Variants in SETBP1 observed in about 807,000 individuals in gnomAD.
SETBP1 encodes the protein SET binding protein 1.
A neutral mutation model predicts 101.0 loss-of-function variants in SETBP1; 9 were observed. The ratio of observed to expected loss-of-function variants is 0.09; its 90% CI spans 0.05 to 0.16. SETBP1 has a LOEUF of 0.16. Among genes scored for constraint, SETBP1 ranks in the 10% least tolerant of loss-of-function variants. The probability of loss-of-function intolerance (pLI) is 1.00; values close to 1 mark genes in which losing one functional copy is unlikely to be tolerated. For synonymous variants in SETBP1, 818 were observed against 788.5 expected (o/e 1.04, Z -0.63); for missense variants, 1,858 against 2,033.8 (o/e 0.91, Z 1.66).
intron 1 of SETBP1, among the ~76,000 whole-genome samples, chr18:44,693,065 C>G (rs1325836058): frequency 6.7e-6 from 1 of 149,098 alleles, no homozygotes; most frequent in Non-Finnish European, 1.5e-5. Flanking sequence ...GTAGAGCTGC[C>G]CTTGCTCTTG....
chr18:44,840,129 T>C (rs1032336346), intron 2 of SETBP1, among the ~76,000 whole-genome samples: 1 of 137,334 alleles, frequency 7.3e-6, no homozygotes, highest in African/African-American at 3.6e-5. Flanking sequence ...CACCCTGCCA[T>C]GTGTACACTT....
At chr18:45,032,331 A>C (rs1370206675) in intron 4 of SETBP1, among the ~76,000 whole-genome samples, 1 of 152,050 alleles carries the variant, frequency 6.6e-6, no homozygotes, top group African/African-American at 2.4e-5. Context: ...CCCCCTCTCC[A>C]CTTCTAAACC....
chr18:44,791,457 A>G (rs1368361356), intron 2 of SETBP1, among the ~76,000 whole-genome samples: 1 of 152,184 alleles, frequency 6.6e-6, no homozygotes, highest in East Asian at 1.9e-4. Context: ...CAGATAAAAC[A>G]GACAAATCAG....
At chr18:45,038,752 T>C (rs995016951) in intron 5 of SETBP1, 97 bp downstream of exon 5, 1 of 1,318,806 alleles carries the variant, frequency 7.6e-7, no homozygotes, top group Middle Eastern at 2.6e-4. Context: ...AAGAGTTCTC[T>C]GTTTTGCCAT....
At chr18:44,710,072 A>G (rs2069305309) in intron 2 of SETBP1, among the ~76,000 whole-genome samples, 1 of 151,884 alleles carries the variant, frequency 6.6e-6, no homozygotes, top group Non-Finnish European at 1.5e-5. Context: ...ACATCCTCAA[A>G]AAGTCCTCTC....
intron 4 of SETBP1, among the ~76,000 whole-genome samples, chr18:45,029,259 T>G (rs937122091): frequency 6.6e-6 from 1 of 152,162 alleles, no homozygotes; most frequent in African/African-American, 2.4e-5. Context: ...CACCATTTAT[T>G]AAATAGGGAA....
intron 3 of SETBP1, among the ~76,000 whole-genome samples, chr18:44,929,914 A>G (rs1216124131): frequency 2.6e-5 from 4 of 152,234 alleles, no homozygotes; most frequent in African/African-American, 9.6e-5. Flanking sequence ...CTTCCTAATC[A>G]AATACACTTT....
intron 4 of SETBP1, among the ~76,000 whole-genome samples, chr18:45,001,504 C>T (rs887340558): frequency 1.1e-4 from 17 of 152,090 alleles, no homozygotes; most frequent in African/African-American, 3.9e-4. Context: ...GTAGGCTGCC[C>T]GAAGAGGTGG....
At chr18:44,913,379 C>T (rs189298012) in intron 3 of SETBP1, among the ~76,000 whole-genome samples, 57 of 152,324 alleles carry the variant, frequency 3.7e-4, no homozygotes, top group Admixed American at 2.8e-3. Flanking sequence ...TCAATGCTTC[C>T]GTCCTCCTGG....
chr18:44,995,573 G>GTGTA (rs59522693), intron 4 of SETBP1, among the ~76,000 whole-genome samples: 2 of 144,242 alleles, frequency 1.4e-5, no homozygotes, highest in African/African-American at 5.1e-5. Context: ...GTGTGTGTGT[G>GTGTA]TATAAAATGT....
At chr18:44,726,249 G>C (rs192869951) in intron 2 of SETBP1, among the ~76,000 whole-genome samples, 7 of 152,276 alleles carry the variant, frequency 4.6e-5, no homozygotes, top group Admixed American at 4.6e-4. Context: ...CATTCCAACA[G>C]TTCTAGATAC....
At chr18:44,828,721 T>A (rs1374664194) in intron 2 of SETBP1, among the ~76,000 whole-genome samples, 3 of 152,226 alleles carry the variant, frequency 2.0e-5, no homozygotes, top group African/African-American at 4.8e-5. Context: ...TAACTCCCAA[T>A]GTGACTGTAT....
At chr18:45,063,018 A>G in intron 5 of SETBP1, 61 bp from the exon 6 acceptor site, 2 of 1,609,346 alleles carry the variant, frequency 1.2e-6, no homozygotes, top group South Asian at 1.1e-5. Context: ...GTCAGTGAAG[A>G]GGCTGAGTTG....
intron 1 of SETBP1, among the ~76,000 whole-genome samples, chr18:44,683,719 C>T (rs1009045876): frequency 2.0e-5 from 3 of 152,144 alleles, no homozygotes; most frequent in African/African-American, 7.2e-5. Flanking sequence ...GGGCCTGGAC[C>T]TCCCAGAATG....
At chr18:44,847,469 G>T (rs892317038) in intron 2 of SETBP1, among the ~76,000 whole-genome samples, 4 of 152,208 alleles carry the variant, frequency 2.6e-5, no homozygotes, top group African/African-American at 9.7e-5. Context: ...GGGGGTCAGT[G>T]GCTGAGCATC....
At chr18:44,991,244 CAAAAA>C (rs55811938) in intron 4 of SETBP1, among the ~76,000 whole-genome samples, 1 of 68,212 alleles carries the variant, frequency 1.5e-5, no homozygotes, top group African/African-American at 5.9e-5. Flanking sequence ...CTGCATCTCA[CAAAAA>C]AAAAAAAAAA....
At chr18:44,917,867 C>T (rs596395) in intron 3 of SETBP1, among the ~76,000 whole-genome samples, 11,082 of 152,086 alleles carry the variant, frequency 0.073, 514 homozygotes, top group South Asian at 0.11. Context: ...TTGGGACTCC[C>T]GGGAGCCAGG....
At chr18:44,971,669 A>G (rs1025674951) in intron 4 of SETBP1, among the ~76,000 whole-genome samples, 1 of 152,164 alleles carries the variant, frequency 6.6e-6, no homozygotes, top group Non-Finnish European at 1.5e-5. Flanking sequence ...CTGCATAAAT[A>G]TCTTCTTTTG....
chr18:44,875,926 A>G (rs1449150443), intron 3 of SETBP1, among the ~76,000 whole-genome samples: 2 of 152,214 alleles, frequency 1.3e-5, no homozygotes, highest in African/African-American at 4.8e-5. Flanking sequence ...TCTACAGTGA[A>G]CACAGACCAG....
Sources: gnomAD v4.1 joint callset for allele counts (sites outside exome capture counted in the v4.1 genomes callset) on GRCh38, gnomAD v4.1.1 for gene constraint, MANE v1.5 for transcripts, NCBI Gene and HGNC (gene_info 2026-07-23, HGNC 2026-07-21) for gene names.